Variants in BRINP1 observed in about 807,000 individuals in gnomAD.
The protein encoded by BRINP1 is BMP/retinoic acid inducible neural specific 1.
Under a neutral mutation model 72.9 loss-of-function variants are expected in BRINP1, and 17 were observed. The observed-to-expected ratio is 0.23, with a 90% CI of 0.16 to 0.35. The LOEUF is 0.35. Ranked by LOEUF, BRINP1 falls within the 10% of genes least tolerant of loss-of-function variation. The pLI is 1.00. For missense variants in BRINP1, 850 were observed against 1,001.6 expected (o/e 0.85, Z 2.04); for synonymous variants, 418 against 378.5 (o/e 1.10, Z -1.21).
intron 7 of BRINP1, among the ~76,000 whole-genome samples, chr9:119,173,653 T>C (rs1322580093): frequency 6.8e-6 from 1 of 146,478 alleles, no homozygotes. Flanking sequence ...TTAAAGTTCA[T>C]ATGGAACCAA....
intron 1 of BRINP1, among the ~76,000 whole-genome samples, chr9:119,320,157 C>T (rs1306136871): frequency 6.6e-6 from 1 of 152,028 alleles, no homozygotes. Flanking sequence ...CCTACAAAAG[C>T]CTTGGGTGGG....
Position 119,167,750 on chromosome 9 carries a change from C to T in BRINP1, c.1620G>A (p.Met540Ile), listed in dbSNP as rs1829336215. ...SNKNRMDFIH[M>I]VIGMSMRICQ... ...AGATGCGCATGGACATGCCGATCAC[C>T]ATGTGGATGAAGTCCATGCGGTTCT... Residue 540 changes from methionine to isoleucine, a missense_variant, in exon 8 of 8, where the codon ATG (methionine) becomes ATA (isoleucine). Met to Ile is a conservative substitution (Grantham distance 10). Transcript: ENST00000265922. This position sits in a 1 kb window ranked among gnomAD's most constrained non-coding sequence, Gnocchi z 4.3. 6.2e-7 allele frequency: 1 copy of T among 1,614,002 alleles called. No homozygotes were observed. The highest frequency in any genetic ancestry group is 1.7e-5 in the Admixed American group (1 of 60,004).
chr9:119,183,339 A>T (rs529514675), intron 7 of BRINP1, among the ~76,000 whole-genome samples: 5 of 152,300 alleles, frequency 3.3e-5, no homozygotes, highest in Non-Finnish European at 7.4e-5. Context: ...AACAAAACAA[A>T]ATGGAGGAAT....
intron 3 of BRINP1, among the ~76,000 whole-genome samples, chr9:119,242,906 C>T (rs1830270174): frequency 6.6e-6 from 1 of 152,046 alleles, no homozygotes. Context: ...TTCTCCAGAA[C>T]TCCAGAAAGG....
chr9:119,276,725 G>A (rs1480993447), intron 2 of BRINP1, among the ~76,000 whole-genome samples: 1 of 152,142 alleles, frequency 6.6e-6, no homozygotes, highest in Non-Finnish European at 1.5e-5. Flanking sequence ...TGGGTCAAAC[G>A]ATTTGCCCAC....
chr9:119,197,710 C>CAA (rs10629497), intron 7 of BRINP1, among the ~76,000 whole-genome samples: 1 of 151,900 alleles, frequency 6.6e-6, no homozygotes, highest in Non-Finnish European at 1.5e-5. Flanking sequence ...TACATTTCCA[C>CAA]GTTTCTATTT....
chr9:119,170,246 G>T lies in BRINP1; in HGVS notation c.1146-2022C>A, dbSNP rs566449021. Among the ~76,000 whole-genome samples, 492 of 152,036 alleles carry T rather than the reference G, an allele frequency of 3.2e-3. 4 individuals carry two copies. Among genetic ancestry groups the T allele is most frequent in the African/African-American group, 0.011 (470 of 41,336 alleles). ...TGAAAACTTTAAAAAAAATTTAGAA[G>T]AATGCATAACTAGAATAACCAATAC... On this transcript the variant is annotated intron_variant, in intron 7 of 7. Transcript: ENST00000265922.
intron 7 of BRINP1, among the ~76,000 whole-genome samples, chr9:119,193,276 G>C (rs1467861157): frequency 6.6e-6 from 1 of 151,834 alleles, no homozygotes; most frequent in Non-Finnish European, 1.5e-5. Flanking sequence ...TTACAACATA[G>C]ATAGATCTAC....
chr9:119,180,666 C>T (rs1421436050), intron 7 of BRINP1, among the ~76,000 whole-genome samples: 1 of 152,114 alleles, frequency 6.6e-6, no homozygotes, highest in Non-Finnish European at 1.5e-5. Flanking sequence ...CTATTTTTCC[C>T]AGATAAATAT....
chr9:119,247,130 C>A (rs1402869946), intron 3 of BRINP1, among the ~76,000 whole-genome samples: 2 of 152,162 alleles, frequency 1.3e-5, no homozygotes, highest in African/African-American at 4.8e-5. Flanking sequence ...TTTTTACCCC[C>A]AAGTGAAATG....
intron 2 of BRINP1, among the ~76,000 whole-genome samples, chr9:119,295,148 T>G (rs1830861799): frequency 6.7e-6 from 1 of 149,934 alleles, no homozygotes; most frequent in South Asian, 2.1e-4. Flanking sequence ...GCATTATTTT[T>G]TATTATTTTT....
chr9:119,241,327 G>T (rs1830246827), intron 4 of BRINP1, among the ~76,000 whole-genome samples: 1 of 152,130 alleles, frequency 6.6e-6, no homozygotes, highest in African/African-American at 2.4e-5. Flanking sequence ...GCAAACCACA[G>T]AGTGCCTGTT....
intron 1 of BRINP1, among the ~76,000 whole-genome samples, chr9:119,324,305 G>A (rs1412847300): frequency 1.3e-5 from 2 of 152,164 alleles, no homozygotes; most frequent in African/African-American, 4.8e-5. Context: ...CAATGGTCAT[G>A]AAGTGAAGAG....
At chr9:119,176,978 C>T (rs1384751081) in intron 7 of BRINP1, among the ~76,000 whole-genome samples, 2 of 152,076 alleles carry the variant, frequency 1.3e-5, no homozygotes, top group East Asian at 1.9e-4. Context: ...TGACAGTATT[C>T]AAAACACTGT....
At chr9:119,316,791 G>A (rs1262451084) in intron 1 of BRINP1, among the ~76,000 whole-genome samples, 1 of 152,096 alleles carries the variant, frequency 6.6e-6, no homozygotes, top group Non-Finnish European at 1.5e-5. Flanking sequence ...GTGTTTTCAT[G>A]CCTGCTGAAA....
In BRINP1 at chr9:119,255,134, T is replaced by C. The variant is rs538892257; in HGVS notation, c.219-5984A>G. ...AAAAGAAAGCAAGCCTTGCTTGCCA[T>C]GTTGTCTAACTGCTCTGCTGGCCCG... is the stretch of plus-strand genomic sequence containing the variant. On this transcript the variant is annotated intron_variant, in intron 2 of 7. Coordinates refer to ENST00000265922, the MANE Select transcript of BRINP1 (RefSeq NM_014618.3). 2.6e-5 allele frequency among the ~76,000 whole-genome samples: 4 copies of C among 152,360 alleles called. No homozygotes were observed. In the South Asian group the frequency reaches 6.2e-4, roughly 24 times the overall value.
At chr9:119,307,954 C>A (rs1445057608) in intron 2 of BRINP1, among the ~76,000 whole-genome samples, 2 of 152,134 alleles carry the variant, frequency 1.3e-5, no homozygotes, top group African/African-American at 4.8e-5. Context: ...TGCTGTATCA[C>A]AAATTAACCC....
intron 1 of BRINP1, among the ~76,000 whole-genome samples, chr9:119,322,017 T>C (rs1465853183): frequency 6.6e-6 from 1 of 152,146 alleles, no homozygotes; most frequent in Non-Finnish European, 1.5e-5. Context: ...CTTAGAGCCA[T>C]TGGGTTGAGC....
chr9:119,267,410 G>A (rs879750207), intron 2 of BRINP1, among the ~76,000 whole-genome samples: 2 of 152,134 alleles, frequency 1.3e-5, no homozygotes, highest in East Asian at 1.9e-4. Context: ...TGAGGTGGGC[G>A]GATCACCTGA....
Sources: gnomAD v4.1 joint callset for allele counts (sites outside exome capture counted in the v4.1 genomes callset) on GRCh38, gnomAD v4.1.1 for gene constraint, Gnocchi (gnomAD v3.1) non-coding constraint, MANE v1.5 for transcripts, NCBI Gene and HGNC (gene_info 2026-07-23, HGNC 2026-07-21) for gene names.